The following PTK7 variants were observed in gnomAD, a reference collection of about 807,000 sequenced individuals.
The protein encoded by PTK7 is protein tyrosine kinase 7 (inactive).
PTK7 carries 39 observed loss-of-function variants against 116.6 expected under a neutral mutation model. The ratio of observed to expected loss-of-function variants is 0.33; its 90% confidence interval spans 0.26 to 0.44. The LOEUF (loss-of-function observed/expected upper bound fraction) is 0.44, where lower values mean the gene tolerates loss of function less well. PTK7 is among the 20% of genes least tolerant of loss of function. The probability of loss-of-function intolerance (pLI) is 1.00; values close to 1 mark genes in which losing one functional copy is unlikely to be tolerated. For missense variants in PTK7, 1,169 were observed against 1,425.6 expected (o/e 0.82, Z 2.90); for synonymous variants, 546 against 563.6 (o/e 0.97, Z 0.44).
chr6:43,134,145 T>A (rs1192757120), intron 7 of PTK7, among the ~76,000 whole-genome samples: 2 of 152,124 alleles, frequency 1.3e-5, no homozygotes, highest in Non-Finnish European at 2.9e-5. Flanking sequence ...TTCAAGTGAT[T>A]CTCGTGCCTC....
In PTK7 at chr6:43,143,462, C is replaced by T. The variant is rs148120569; in HGVS notation, c.2093C>T (p.Pro698Leu). The T allele has an allele frequency of 6.8e-6, 11 of 1,614,092 alleles. No homozygotes were observed. Among genetic ancestry groups the T allele is most frequent in the East Asian group, 2.2e-5 (1 of 44,874 alleles). The change falls in exon 14 of 20, where the codon CCC (proline) becomes CTC (leucine). Residue 698 changes from proline to leucine, a missense_variant. Pro to Leu is a moderately conservative substitution (Grantham distance 98). Around this residue, in one of 3 missense-constraint regions of PTK7, gnomAD observed 678 missense variants for 853.8 expected, o/e 0.79. Coordinates refer to ENST00000230419, the MANE Select transcript of PTK7 (RefSeq NM_002821.5). The surrounding 1 kb of genome is among the most constrained non-coding windows in gnomAD (Gnocchi z 4.2). Reference sequence around the variant, plus strand: ...TCGGAGGGCCCTGGCAGCCCTCCCCCCTACAAGATGATCCAGACCATTGGG... The same window carrying T: ...TCGGAGGGCCCTGGCAGCCCTCCCCTCTACAAGATGATCCAGACCATTGGG... ...EESEGPGSPP[P>L]YKMIQTIGLS... is the part of the protein sequence containing the mutation.
intron 1 of PTK7, among the ~76,000 whole-genome samples, chr6:43,126,250 G>A (rs1292698948): frequency 1.3e-5 from 2 of 152,184 alleles, no homozygotes; most frequent in African/African-American, 4.8e-5. Context: ...AATCCGAGAG[G>A]TGGAGGTTGC....
chr6:43,108,506 C>T (rs1187934944), intron 1 of PTK7, among the ~76,000 whole-genome samples: 1 of 148,818 alleles, frequency 6.7e-6, no homozygotes, highest in Middle Eastern at 3.6e-3. Flanking sequence ...TTCAAATGAT[C>T]CTCCCATCTC....
Position 43,145,409 on chromosome 6 carries a change from A to C in PTK7, c.2617A>C (p.Met873Leu). 3 of 1,600,450 alleles carry C rather than the reference A, an allele frequency of 1.9e-6. No homozygotes were observed. The highest frequency in any genetic ancestry group is 2.2e-5 in the East Asian group (1 of 44,716). ...GTGCCGGGAGGCTGAGCCCCACTAC[A>C]TGGTGCTGGAATATGTGGATCTGGT... Reference protein sequence around the residue: ...GLCREAEPHYMVLEYVDLGDL... With the variant: ...GLCREAEPHYLVLEYVDLGDL... Residue 873 changes from methionine to leucine, a missense_variant, in exon 16 of 20, where the codon ATG (methionine) becomes CTG (leucine). Coordinates refer to ENST00000230419, the MANE Select transcript of PTK7 (RefSeq NM_002821.5). The surrounding 1 kb of genome is among the most constrained non-coding windows in gnomAD (Gnocchi z 4.8).
At chr6:43,115,933 A>G (rs1768488493) in intron 1 of PTK7, among the ~76,000 whole-genome samples, 1 of 114,136 alleles carries the variant, frequency 8.8e-6, no homozygotes, top group African/African-American at 3.9e-5. Context: ...ATCTCAAAAA[A>G]AAAAAAAAAA....
chr6:43,092,428 CA>C (rs1767000799), intron 1 of PTK7, among the ~76,000 whole-genome samples: 2 of 152,288 alleles, frequency 1.3e-5, no homozygotes, highest in South Asian at 4.1e-4. Context: ...CTCAGCCTCC[CA>C]AAGTGCTGGG....
intron 1 of PTK7, among the ~76,000 whole-genome samples, chr6:43,102,044 CAG>C (rs1767613066): frequency 6.6e-6 from 1 of 150,820 alleles, no homozygotes; most frequent in Non-Finnish European, 1.5e-5. Context: ...AAAAAAAATA[CAG>C]AGTGCCACTT....
At chr6:43,084,749 A>G (rs949020226) in intron 1 of PTK7, among the ~76,000 whole-genome samples, 2 of 152,186 alleles carry the variant, frequency 1.3e-5, no homozygotes, top group African/African-American at 2.4e-5. Context: ...ACATTCTAGA[A>G]TGTGTGGGAT....
chr6:43,160,995 C>G lies in PTK7; in HGVS notation c.*114C>G. 7.3e-7 allele frequency: 1 copy of G among 1,371,790 alleles called. No homozygotes were observed. The highest frequency in any genetic ancestry group is 9.8e-7 in the Non-Finnish European group (1 of 1,024,616). The allele number at this position is 1,371,790 out of a possible 1,614,324, so 85.0% of individuals were successfully genotyped here. On this transcript the variant is annotated 3_prime_UTR_variant, in exon 20 of 20. Coordinates refer to ENST00000230419, the MANE Select transcript of PTK7 (RefSeq NM_002821.5). ...GGGCCCTGAGGCCCCTGCCCTAGTGCAACAGGCATTGCTGAGGTCTGAGCA... is the reference window on the plus strand; with the variant it reads ...GGGCCCTGAGGCCCCTGCCCTAGTGGAACAGGCATTGCTGAGGTCTGAGCA...
chr6:43,090,957 G>C (rs1449776490), intron 1 of PTK7, among the ~76,000 whole-genome samples: 1 of 151,982 alleles, frequency 6.6e-6, no homozygotes, highest in Non-Finnish European at 1.5e-5. Flanking sequence ...CTGATTTTAG[G>C]GATCAGCCAA....
At chr6:43,125,531 C>T (rs1769239465) in intron 1 of PTK7, among the ~76,000 whole-genome samples, 2 of 152,222 alleles carry the variant, frequency 1.3e-5, no homozygotes, top group African/African-American at 4.8e-5. Flanking sequence ...CCCTCTATCC[C>T]ACCCACCACC....
chr6:43,085,716 C>G (rs1004669603), intron 1 of PTK7, among the ~76,000 whole-genome samples: 2 of 151,348 alleles, frequency 1.3e-5, no homozygotes, highest in Non-Finnish European at 2.9e-5. Flanking sequence ...TGTGGATCAC[C>G]TGAGGTCGGG....
Position 43,161,428 on chromosome 6 carries a change from CCA to C in PTK7, c.*549_*550del, listed in dbSNP as rs1771838495. 6.5e-6 allele frequency: 1 copy of C among 153,088 alleles called. No individual in the cohort carries two copies. The highest frequency in any genetic ancestry group is 6.5e-5 in the Admixed American group (1 of 15,432). 9.5% of individuals were successfully genotyped at this position (153,088 alleles called of 1,614,324 possible). A position where few individuals can be genotyped will look rare whatever the true frequency, so the allele number is the denominator to read the frequency against. On this transcript the variant is annotated 3_prime_UTR_variant, in exon 20 of 20. Transcript: ENST00000230419. ...ACACTGACCCAGACCCACGTCTTCC[CCA>C]CCCTTCTCTCCTTTCCTCATCCTAA...
Position 43,145,569 on chromosome 6 carries a change from A to G in PTK7, c.2640+137A>G, listed in dbSNP as rs1770682415. 1 of 594,956 alleles carries G rather than the reference A, an allele frequency of 1.7e-6. No individual in the cohort carries two copies. Among genetic ancestry groups the G allele is most frequent in the Non-Finnish European group, 2.7e-6 (1 of 371,814 alleles). 36.9% of individuals were successfully genotyped at this position (594,956 alleles called of 1,614,324 possible). A position where few individuals can be genotyped will look rare whatever the true frequency, so the allele number is the denominator to read the frequency against. On this transcript the variant is annotated intron_variant, in intron 16 of 19. Coordinates refer to ENST00000230419, the MANE Select transcript of PTK7 (RefSeq NM_002821.5). The surrounding 1 kb of genome is among the most constrained non-coding windows in gnomAD (Gnocchi z 4.8). ...CGAGACCTCACCTGCCTGCTGTTAC[A>G]CTTTGCCCACCTTATGATGCTCAGC...
Position 43,141,682 on chromosome 6 carries a change from C to G in PTK7, c.1633C>G (p.Pro545Ala), listed in dbSNP as rs778861990. ...KWERADGSSL[P>A]EWVTDNAGTL... ...TACCCCTGCAGATGGGAGCAGCCTCCCAGAGTGGGTGACAGACAACGCTGG... is the reference window on the plus strand; with the variant it reads ...TACCCCTGCAGATGGGAGCAGCCTCGCAGAGTGGGTGACAGACAACGCTGG... Residue 545 changes from proline (P) to alanine (A), a missense_variant, in exon 11 of 20, where the codon CCA becomes GCA. Pro to Ala is a conservative substitution (Grantham distance 27, BLOSUM62 -1). This residue lies in a region of PTK7 where 678 missense variants were observed against 853.8 expected (regional missense o/e 0.79). Transcript: ENST00000230419. This position sits in a 1 kb window ranked among gnomAD's most constrained non-coding sequence, Gnocchi z 4.9. The G allele has an allele frequency of 1.2e-5, 20 of 1,613,968 alleles. No homozygotes were observed. The South Asian group carries it at 2.2e-4, about 18-fold the overall frequency.
At chr6:43,082,898 A>C (rs1265142977) in intron 1 of PTK7, among the ~76,000 whole-genome samples, 2 of 152,214 alleles carry the variant, frequency 1.3e-5, no homozygotes, top group African/African-American at 4.8e-5. Context: ...TCGACAGACA[A>C]CTTTTCAGGA....
chr6:43,149,280 G>A (rs949448711), intron 17 of PTK7, among the ~76,000 whole-genome samples: 4 of 151,992 alleles, frequency 2.6e-5, no homozygotes, highest in African/African-American at 9.7e-5. Context: ...GCTGAGGCAG[G>A]AGAATCGCTT....
At chr6:43,157,378 T>TTTC (rs1771562105) in intron 17 of PTK7, among the ~76,000 whole-genome samples, 14 of 79,780 alleles carry the variant, frequency 1.8e-4, no homozygotes, top group Non-Finnish European at 2.5e-4. Context: ...TTTTTTTTCT[T>TTTC]TTTTTTTTTT....
Position 43,139,409 on chromosome 6 carries a change from A to G in PTK7, c.1502A>G (p.Lys501Arg), listed in dbSNP as rs1249909863. 1 of 1,614,184 alleles carries G rather than the reference A, an allele frequency of 6.2e-7. No homozygotes were observed. Among genetic ancestry groups the G allele is most frequent in the East Asian group, 2.2e-5 (1 of 44,884 alleles). ...EAQARVQVLE[K>R]LKFTPPPQPQ... ...TACCCACCCTCTGCTGAAACAGAAA[A>G]GCTCAAGTTCACACCACCACCCCAG... The change falls in exon 10 of 20, where the codon AAG becomes AGG. Residue 501 changes from lysine (K) to arginine (R), a missense_variant. This residue lies in a region of PTK7 where 678 missense variants were observed against 853.8 expected (regional missense o/e 0.79). Coordinates refer to ENST00000230419, the MANE Select transcript of PTK7 (RefSeq NM_002821.5). The surrounding 1 kb of genome is among the most constrained non-coding windows in gnomAD (Gnocchi z 4.6).
Sources: allele counts gnomAD v4.1 joint callset (sites outside exome capture counted in the v4.1 genomes callset), GRCh38; gene constraint gnomAD v4.1.1; regional missense constraint gnomAD v4.1.1; non-coding constraint Gnocchi (gnomAD v3.1); transcripts MANE v1.5; gene names NCBI Gene and HGNC (gene_info 2026-07-23, HGNC 2026-07-21).